Variants in PAIP1 observed in about 807,000 individuals in gnomAD.
PAIP1 encodes poly(A) binding protein interacting protein 1, also known as polyadenylate-binding protein-interacting protein 1.
A neutral mutation model predicts 61.3 loss-of-function variants in PAIP1; 16 were observed. That is an observed-to-expected ratio of 0.26 (90% confidence interval 0.18 to 0.40). PAIP1 has a LOEUF of 0.40. PAIP1 is among the 10% of genes least tolerant of loss of function. The pLI is 1.00. For missense variants in PAIP1, 416 were observed against 600.9 expected (o/e 0.69, Z 3.22); for synonymous variants, 187 against 226.2 (o/e 0.83, Z 1.56).
chr5:43,527,923 T>G (rs1435464653), intron 10 of PAIP1, among the ~76,000 whole-genome samples: 2 of 152,212 alleles, frequency 1.3e-5, no homozygotes, highest in Non-Finnish European at 2.9e-5. Context: ...CCTGCTATGA[T>G]TTCTGCTGGG....
At position 43,556,571 on chromosome 5, in the gene PAIP1, C is replaced by G; in HGVS notation, c.265+11G>C. 8.0e-7 allele frequency: 1 copy of G among 1,251,716 alleles called. No homozygotes were observed. Among genetic ancestry groups the G allele is most frequent in the Non-Finnish European group, 1.0e-6 (1 of 993,366 alleles). 77.5% of individuals were successfully genotyped at this position (1,251,716 alleles called of 1,614,324 possible). ...CCAAGGAGGACTGGGGCCCTTAGAG[C>G]TGCTCCGTACCTGGGAGCGCCCCGG... On this transcript the variant is annotated intron_variant, in intron 1 of 10. Coordinates refer to ENST00000306846, the MANE Select transcript of PAIP1 (RefSeq NM_006451.5).
chr5:43,555,145 G>A (rs527328507), intron 2 of PAIP1, among the ~76,000 whole-genome samples: 3 of 152,274 alleles, frequency 2.0e-5, no homozygotes, highest in East Asian at 1.9e-4. Flanking sequence ...GTGGGTTTTC[G>A]GGATGTTGAT....
intron 2 of PAIP1, among the ~76,000 whole-genome samples, chr5:43,550,019 C>T (rs189871827): frequency 5.3e-5 from 8 of 151,150 alleles, no homozygotes; most frequent in Admixed American, 3.3e-4. Context: ...CCACCATGCC[C>T]GGCCTATGTA....
intron 8 of PAIP1, among the ~76,000 whole-genome samples, chr5:43,534,155 G>A (rs1345909476): frequency 1.3e-5 from 2 of 151,744 alleles, no homozygotes; most frequent in African/African-American, 4.8e-5. Flanking sequence ...GCTGCTTTAT[G>A]TTTGTTCATG....
upstream of PAIP1, chr5:43,557,210 G>A (rs1748136589): frequency 5.6e-6 from 1 of 177,044 alleles, no homozygotes; most frequent in African/African-American, 2.4e-5. Flanking sequence ...CCGGCCGCCG[G>A]GCCCAGCAGG....
intron 9 of PAIP1, among the ~76,000 whole-genome samples, chr5:43,532,821 AAAG>A (rs1230725616): frequency 6.6e-6 from 1 of 152,238 alleles, no homozygotes; most frequent in Non-Finnish European, 1.5e-5. Context: ...GGCAATTCTC[AAAG>A]AAAGAAATCA....
intron 3 of PAIP1, among the ~76,000 whole-genome samples, chr5:43,546,828 C>T (rs146215178): frequency 4.6e-5 from 7 of 151,736 alleles, no homozygotes; most frequent in South Asian, 2.1e-4. Flanking sequence ...AGATCACTTG[C>T]GGTCAGGAGT....
rs1367640498 is a variant in PAIP1, at chr5:43,526,443, A to G, written c.*933T>C. 1 of 152,298 alleles carries G rather than the reference A, an allele frequency of 6.6e-6. No individual in the cohort carries two copies. The highest frequency in any genetic ancestry group is 1.5e-5 in the Non-Finnish European group (1 of 67,970). 9.4% of individuals were successfully genotyped at this position (152,298 alleles called of 1,614,324 possible). On this transcript the variant is annotated 3_prime_UTR_variant, in exon 11 of 11. Coordinates refer to ENST00000306846, the MANE Select transcript of PAIP1 (RefSeq NM_006451.5). ...GCATATTTACAAGCAATCCTTTTGTACACAGTTTTTAGTTAGCTGGAAAAA... is the reference window on the plus strand; with the variant it reads ...GCATATTTACAAGCAATCCTTTTGTGCACAGTTTTTAGTTAGCTGGAAAAA...
chr5:43,529,720 T>C, intron 10 of PAIP1, 66 bp downstream of exon 10: 4 of 861,532 alleles, frequency 4.6e-6, no homozygotes, highest in Non-Finnish European at 8.1e-6. Context: ...TGAGCTACTT[T>C]GTCTAATCTC....
intron 8 of PAIP1, among the ~76,000 whole-genome samples, chr5:43,534,429 C>T (rs565490608): frequency 7.9e-5 from 12 of 152,296 alleles, no homozygotes; most frequent in African/African-American, 2.2e-4. Flanking sequence ...GAACTCCTGA[C>T]CTCAGGTGAT....
At position 43,544,556 on chromosome 5, in the gene PAIP1, T is replaced by C. The variant is rs151015839; in HGVS notation, c.622-1440A>G. On this transcript the variant is annotated intron_variant, in intron 3 of 10. Transcript: ENST00000306846. ...CACTTTTGACTTCTTCAGCCAAAAATGTTTTAATCCCCATATCTCCGCACT... is the reference window on the plus strand; with the variant it reads ...CACTTTTGACTTCTTCAGCCAAAAACGTTTTAATCCCCATATCTCCGCACT... Among the ~76,000 whole-genome samples, 12 of 152,314 alleles carry C rather than the reference T, an allele frequency of 7.9e-5. No individual in the cohort carries two copies. The East Asian group carries it at 2.1e-3, about 27-fold the overall frequency.
chr5:43,531,875 G>C (rs1403013606), intron 9 of PAIP1, among the ~76,000 whole-genome samples: 1 of 151,872 alleles, frequency 6.6e-6, no homozygotes, highest in Non-Finnish European at 1.5e-5. Flanking sequence ...AATAACAGAA[G>C]GGTTATAATT....
chr5:43,536,086 T>C (rs544715365), intron 6 of PAIP1, among the ~76,000 whole-genome samples: 27 of 151,256 alleles, frequency 1.8e-4, no homozygotes, highest in Admixed American at 1.8e-3. Context: ...CTAATAAACA[T>C]GAAGAAATGC....
At chr5:43,548,009 C>T in intron 2 of PAIP1, 96 bp from the exon 3 acceptor site, 1 of 674,406 alleles carries the variant, frequency 1.5e-6, no homozygotes, top group Non-Finnish European at 2.4e-6. Context: ...TTTAAAGATC[C>T]CTCACATGAT....
intron 3 of PAIP1, among the ~76,000 whole-genome samples, chr5:43,544,200 T>C (rs954152256): frequency 5.7e-5 from 8 of 141,408 alleles, no homozygotes; most frequent in Non-Finnish European, 1.1e-4. Flanking sequence ...ACAAATGTAA[T>C]TGAACATAGA....
At position 43,547,889 on chromosome 5, in the gene PAIP1, C is replaced by T. The variant is rs147428438; in HGVS notation, c.460G>A (p.Asp154Asn). 3 of 1,610,538 alleles carry T rather than the reference C, an allele frequency of 1.9e-6. No homozygotes were observed. Among genetic ancestry groups the T allele is most frequent in the Non-Finnish European group, 2.5e-6 (3 of 1,177,866 alleles). The change falls in exon 3 of 11, where the codon GAT (aspartate) becomes AAT (asparagine). Residue 154 changes from aspartate to asparagine, a missense_variant. Physicochemically the swap from Asp to Asn is conservative, Grantham distance 23. This residue lies in a region of PAIP1 where 180 missense variants were observed against 211.2 expected (regional missense o/e 0.85). Transcript: ENST00000306846. Reference sequence around the variant, plus strand: ...ACATATTCTGATAGAGTAGGATAATCCTCACAACCATCCTCATAGGATTCC... The same window carrying T: ...ACATATTCTGATAGAGTAGGATAATTCTCACAACCATCCTCATAGGATTCC... ...YTESYEDGCEDYPTLSEYVQD... is the reference protein window; with the variant it reads ...YTESYEDGCENYPTLSEYVQD...
chr5:43,531,242 G>T (rs1403524214), intron 9 of PAIP1, among the ~76,000 whole-genome samples: 1 of 151,482 alleles, frequency 6.6e-6, no homozygotes, highest in African/African-American at 2.4e-5. Flanking sequence ...TACCTACTCT[G>T]TGGCTCCTGG....
rs181679100 is a variant in PAIP1 at position 43,536,287 on chromosome 5, A to G, written c.972+532T>C. On this transcript the variant is annotated intron_variant, in intron 6 of 10. Transcript: ENST00000306846. ...AAATCCGTGTTTAAGAATTTAACCT[A>G]CAAAAGTATCTGCACATATATATGA... 4.3e-3 allele frequency among the ~76,000 whole-genome samples: 649 copies of G among 152,354 alleles called. 6 individuals are homozygous for G. Among genetic ancestry groups the G allele is most frequent in the Admixed American group, 0.012 (185 of 15,298 alleles).
chr5:43,543,136 T>A lies in PAIP1; in HGVS notation c.622-20A>T. On this transcript the variant is annotated intron_variant, in intron 3 of 10. Transcript: ENST00000306846. ...TGTGGCCTTTTAAAAAGAAGAAAAG[T>A]GTTATATGACATAGGTACATCATTA... 7.9e-7 allele frequency: 1 copy of A among 1,258,542 alleles called. No individual in the cohort carries two copies. The highest frequency in any genetic ancestry group is 1.2e-6 in the Non-Finnish European group (1 of 859,382). The allele number at this position is 1,258,542 out of a possible 1,614,324, so 78.0% of individuals were successfully genotyped here.
Sources: gnomAD v4.1 joint callset for allele counts (sites outside exome capture counted in the v4.1 genomes callset) on GRCh38, gnomAD v4.1.1 for gene constraint, gnomAD v4.1.1 regional missense constraint, MANE v1.5 for transcripts, NCBI Gene and HGNC (gene_info 2026-07-23, HGNC 2026-07-21) for gene names.